EIF4G3: variants seen among roughly 807,000 people sequenced by gnomAD.
The protein encoded by EIF4G3 is eIF-4-gamma 3.
Under a neutral mutation model 186.4 loss-of-function variants are expected in EIF4G3, and 34 were observed. The ratio of observed to expected loss-of-function variants is 0.18; its 90% CI spans 0.14 to 0.24. The LOEUF (loss-of-function observed/expected upper bound fraction) is 0.24. EIF4G3 is among the 10% of genes least tolerant of loss of function. The probability of loss-of-function intolerance (pLI) is 1.00; values close to 1 mark genes in which losing one functional copy is unlikely to be tolerated. For synonymous variants in EIF4G3, 673 were observed against 679.5 expected (o/e 0.99, Z 0.15); for missense variants, 1,536 against 1,948.5 (o/e 0.79, Z 3.99).
chr1:21,133,790 C>T (rs1009398649), intron 2 of EIF4G3, among the ~76,000 whole-genome samples: 3 of 152,200 alleles, frequency 2.0e-5, no homozygotes, highest in Middle Eastern at 6.8e-3. Context: ...AAGACAGCAC[C>T]CAGGATGATT....
intron 14 of EIF4G3, among the ~76,000 whole-genome samples, chr1:20,909,760 T>C (rs2092880380): frequency 1.3e-5 from 2 of 151,842 alleles, no homozygotes; most frequent in African/African-American, 4.8e-5. Flanking sequence ...TTAAAATTCT[T>C]ATATAGTCAA....
intron 14 of EIF4G3, among the ~76,000 whole-genome samples, chr1:20,936,653 T>TATC (rs1277292761): frequency 6.6e-6 from 1 of 151,758 alleles, no homozygotes; most frequent in Non-Finnish European, 1.5e-5. Context: ...CTAGGAAAAC[T>TATC]GATAGACTTT....
chr1:21,120,608 A>G (rs2096909463), intron 2 of EIF4G3, among the ~76,000 whole-genome samples: 1 of 148,196 alleles, frequency 6.7e-6, no homozygotes, highest in East Asian at 2.0e-4. Flanking sequence ...AGAGTGAGTG[A>G]GACTCCATCT....
intron 13 of EIF4G3, among the ~76,000 whole-genome samples, chr1:20,944,732 T>A (rs2095866989): frequency 1.3e-5 from 2 of 151,694 alleles, no homozygotes; most frequent in South Asian, 4.2e-4. Flanking sequence ...TTCAGAAAAA[T>A]CTAGTATTGA....
rs574334437 is a variant in EIF4G3, at chr1:20,810,720, A to C, written c.4744+18T>G. ...CTCACTCATTGGTTAGATTAACTGT[A>C]ACATGAGATAAACTTACTGGCAGGT... On this transcript the variant is annotated intron_variant, in intron 36 of 36. Coordinates refer to ENST00000602326, the MANE Select transcript of EIF4G3 (RefSeq NM_001391906.1). The surrounding 1 kb of genome is among the most constrained non-coding windows in gnomAD (Gnocchi z 4.1). 2.3e-4 allele frequency: 365 copies of C among 1,611,592 alleles called. 3 individuals are homozygous for C. The South Asian group carries it at 3.9e-3, about 17-fold the overall frequency.
intron 20 of EIF4G3, among the ~76,000 whole-genome samples, chr1:20,869,438 G>C (rs2078502019): frequency 6.7e-6 from 1 of 149,316 alleles, no homozygotes. Context: ...TGGGATTATA[G>C]GCATGTGTCA....
chr1:21,140,434 C>T (rs1040922842), intron 2 of EIF4G3, among the ~76,000 whole-genome samples: 1 of 152,166 alleles, frequency 6.6e-6, no homozygotes, highest in Non-Finnish European at 1.5e-5. Context: ...CCGCCTCAGC[C>T]CCCTAAATAG....
chr1:20,821,055 G>T (rs999285777), intron 33 of EIF4G3, among the ~76,000 whole-genome samples: 4 of 152,188 alleles, frequency 2.6e-5, no homozygotes, highest in African/African-American at 9.7e-5. Context: ...CACAGGAAAA[G>T]AACTCGGGCA....
chr1:21,105,922 C>T (rs1363743662), intron 2 of EIF4G3, among the ~76,000 whole-genome samples: 3 of 152,154 alleles, frequency 2.0e-5, no homozygotes, highest in South Asian at 2.1e-4. Flanking sequence ...AAAAAATTAG[C>T]TGGGCATGGT....
At chr1:20,901,134 A>G (rs1169054450) in intron 15 of EIF4G3, among the ~76,000 whole-genome samples, 2 of 152,168 alleles carry the variant, frequency 1.3e-5, no homozygotes, top group African/African-American at 4.8e-5. Flanking sequence ...TAATTCATGG[A>G]AAAAGATAGT....
At chr1:20,998,782 T>G in intron 6 of EIF4G3, 2 of 390,136 alleles carry the variant, frequency 5.1e-6, no homozygotes, top group South Asian at 3.9e-5. Context: ...TGTTAACCAC[T>G]CCCTTTAATA....
intron 4 of EIF4G3, among the ~76,000 whole-genome samples, chr1:21,027,371 C>T (rs1443548560): frequency 6.6e-6 from 1 of 151,678 alleles, no homozygotes; most frequent in Non-Finnish European, 1.5e-5. Flanking sequence ...TGGCTCGTGC[C>T]TGTAATCCCA....
At chr1:20,953,729 C>T (rs1234992212) in intron 12 of EIF4G3, among the ~76,000 whole-genome samples, 3 of 152,152 alleles carry the variant, frequency 2.0e-5, no homozygotes, top group African/African-American at 7.2e-5. Context: ...CAAGGGTCAA[C>T]AACTACAATC....
At chr1:21,108,966 C>A (rs1180317961) in intron 2 of EIF4G3, among the ~76,000 whole-genome samples, 1 of 150,944 alleles carries the variant, frequency 6.6e-6, no homozygotes, top group Non-Finnish European at 1.5e-5. Flanking sequence ...CCTGTAAATC[C>A]CAGCATTTTG....
rs2096299627 is a variant in EIF4G3 at position 21,094,542 on chromosome 1, G to A, written c.-271-5329C>T. On this transcript the variant is annotated intron_variant, in intron 2 of 36. Transcript: ENST00000602326. ...AAAGACAGAAAACCAAACACCACATGTTCTCACTCATAGGTGGGAACTGAA... is the reference window on the plus strand; with the variant it reads ...AAAGACAGAAAACCAAACACCACATATTCTCACTCATAGGTGGGAACTGAA... 3.4e-5 allele frequency among the ~76,000 whole-genome samples: 5 copies of A among 147,000 alleles called. No individual in the cohort carries two copies. The Admixed American group carries it at 3.4e-4, about 10-fold the overall frequency.
Position 20,893,614 on chromosome 1 carries a change from A to T in EIF4G3, c.2156T>A (p.Met719Lys), listed in dbSNP as rs750084515. The change falls in exon 18 of 37, where the codon ATG (methionine) becomes AAG (lysine). Residue 719 changes from methionine (M) to lysine (K), a missense_variant. By Grantham distance (95) the Met-to-Lys change is moderately conservative. This residue lies in a region of EIF4G3 where 139 missense variants were observed against 192.8 expected (regional missense o/e 0.72). Transcript: ENST00000602326. ...CAAAATTCGAGGATCCAGAGTTCGC[A>T]TTGGCAATTTGGGTTGGTTGATCTG... ...LDKINQPKLPMRTLDPRILPR... is the reference protein window; with the variant it reads ...LDKINQPKLPKRTLDPRILPR... 3 of 1,577,736 alleles carry T rather than the reference A, an allele frequency of 1.9e-6. No homozygotes were observed. The East Asian group carries it at 6.8e-5, about 36-fold the overall frequency.
rs34780982 is a variant in EIF4G3 at position 21,152,339 on chromosome 1, C to CAAAAAAAAAA, written c.-272+23826_-272+23835dup. On this transcript the variant is annotated intron_variant, in intron 2 of 36. Transcript: ENST00000602326. ...GCAACAGAGCGAGACCCTGTCTCTACAAAAAAAAAAAAAGCAAATAAAATT... is the reference window on the plus strand; with the variant it reads ...GCAACAGAGCGAGACCCTGTCTCTACAAAAAAAAAAAAAAAAAAAAAAAGCAAATAAAATT... 5.8e-3 allele frequency among the ~76,000 whole-genome samples: 599 copies of CAAAAAAAAAA among 103,458 alleles called. 41 individuals are homozygous for CAAAAAAAAAA. Among genetic ancestry groups the CAAAAAAAAAA allele is most frequent in the Non-Finnish European group, 8.2e-3 (461 of 55,978 alleles). 67.9% of individuals were successfully genotyped at this position (103,458 alleles called of 152,430 possible). A position where few individuals can be genotyped will look rare whatever the true frequency, so the allele number is the denominator to read the frequency against.
chr1:20,972,855 G>C lies in EIF4G3; in HGVS notation c.591+147C>G, dbSNP rs558136170. 50 of 589,630 alleles carry C rather than the reference G, an allele frequency of 8.5e-5. No homozygotes were observed. In the South Asian group the frequency reaches 1.2e-3, roughly 14 times the overall value. 36.5% of individuals were successfully genotyped at this position (589,630 alleles called of 1,614,324 possible). On this transcript the variant is annotated intron_variant, in intron 11 of 36. Transcript: ENST00000602326. ...ATTACATGCCCATACAAATCCTCCA[G>C]GTGAAGTGGTGTGACTATAAGGGAA...
intron 12 of EIF4G3, among the ~76,000 whole-genome samples, chr1:20,953,669 A>C (rs2096301756): frequency 6.6e-6 from 1 of 152,134 alleles, no homozygotes; most frequent in Non-Finnish European, 1.5e-5. Flanking sequence ...TTTGTCTTCT[A>C]TTTTAATCAC....
Sources: allele counts gnomAD v4.1 joint callset (sites outside exome capture counted in the v4.1 genomes callset), GRCh38; gene constraint gnomAD v4.1.1; regional missense constraint gnomAD v4.1.1; non-coding constraint Gnocchi (gnomAD v3.1); transcripts MANE v1.5; gene names NCBI Gene and HGNC (gene_info 2026-07-23, HGNC 2026-07-21).